DNAH14: variants seen among roughly 807,000 people sequenced by gnomAD.
The protein encoded by DNAH14 is dynein axonemal heavy chain 14.
In DNAH14, 478 loss-of-function variants were observed where a neutral mutation model predicts 520.9. The ratio of observed to expected loss-of-function variants is 0.92; its 90% CI spans 0.85 to 0.99. The LOEUF is 0.99. Ranked by LOEUF, DNAH14 falls within the 50% of genes least tolerant of loss-of-function variation. The pLI is 0.00. For synonymous variants in DNAH14, 1,581 were observed against 1,757.2 expected (o/e 0.90, Z 2.51); for missense variants, 4,831 against 5,234.5 (o/e 0.92, Z 2.38).
At chr1:225,016,029 C>T (rs896735100) in intron 10 of DNAH14, among the ~76,000 whole-genome samples, 8 of 152,146 alleles carry the variant, frequency 5.3e-5, no homozygotes, top group Non-Finnish European at 4.4e-5. Context: ...CTCACGAGGG[C>T]CCTTCAGGAC....
At chr1:225,317,386 T>C (rs988284105) in intron 60 of DNAH14, among the ~76,000 whole-genome samples, 11 of 152,166 alleles carry the variant, frequency 7.2e-5, no homozygotes, top group African/African-American at 2.4e-4. Context: ...CAGAATAACC[T>C]CTACTGATTT....
intron 27 of DNAH14, among the ~76,000 whole-genome samples, chr1:225,128,943 T>G (rs2078074865): frequency 6.6e-6 from 1 of 151,688 alleles, no homozygotes; most frequent in South Asian, 2.1e-4. Context: ...AAAATCTCCT[T>G]AAGCTGATAA....
chr1:225,257,887 CAA>C (rs35313445), intron 44 of DNAH14, 71 bp from the exon 45 acceptor site: 14,284 of 926,046 alleles, frequency 0.015, no homozygotes, highest in South Asian at 0.023. Flanking sequence ...ATCCTAATGA[CAA>C]AAAAAAAAAA....
At chr1:225,347,029 G>A (rs950956113) in intron 71 of DNAH14, among the ~76,000 whole-genome samples, 1 of 152,040 alleles carries the variant, frequency 6.6e-6, no homozygotes, top group Non-Finnish European at 1.5e-5. Context: ...ATCCAAAAAG[G>A]TTAGACACAA....
At chr1:224,957,624 T>C (rs2060595846) in intron 3 of DNAH14, among the ~76,000 whole-genome samples, 1 of 152,040 alleles carries the variant, frequency 6.6e-6, no homozygotes, top group Non-Finnish European at 1.5e-5. Flanking sequence ...GTGTGAGGTG[T>C]CACAGGACTC....
chr1:224,971,878 C>G (rs74758707), intron 7 of DNAH14, among the ~76,000 whole-genome samples: 1,671 of 152,212 alleles, frequency 0.011, 16 homozygotes, highest in Non-Finnish European at 0.016. Flanking sequence ...AGTTTCTCGT[C>G]AAAGATAGGT....
Position 225,002,776 on chromosome 1 carries a change from C to G in DNAH14, c.831-7C>G. The G allele has an allele frequency of 6.5e-7, 1 of 1,547,646 alleles. No homozygotes were observed. The highest frequency in any genetic ancestry group is 8.7e-7 in the Non-Finnish European group (1 of 1,145,176). ...AGATATATCTGTAGAAATTTTTTAA[C>G]TTTCAGGTCATTTTTGTACCACCAT... On this transcript the variant is annotated splice_region_variant and splice_polypyrimidine_tract_variant and intron_variant, in intron 8 of 85. Coordinates refer to ENST00000682510, the MANE Select transcript of DNAH14 (RefSeq NM_001367479.1).
At chr1:224,976,661 T>A (rs1021791752) in intron 8 of DNAH14, among the ~76,000 whole-genome samples, 8 of 149,150 alleles carry the variant, frequency 5.4e-5, no homozygotes, top group Admixed American at 3.3e-4. Context: ...AACAACCCCA[T>A]CAAAAAGTGG....
rs542399288 is a variant in DNAH14 at position 225,027,003 on chromosome 1, AT to A, written c.1358+3144del. On this transcript the variant is annotated intron_variant, in intron 11 of 85. Transcript: ENST00000682510. ...TAAAATTTTTTGTAAGTATTTTATC[AT>A]TTTTTATGCTGTTGTGAATGGAATT... 1.1e-4 allele frequency among the ~76,000 whole-genome samples: 16 copies of A among 151,936 alleles called. No individual in the cohort carries two copies. In the South Asian group the frequency reaches 2.9e-3, roughly 28 times the overall value.
intron 17 of DNAH14, among the ~76,000 whole-genome samples, chr1:225,063,379 T>G (rs983327944): frequency 8.5e-5 from 13 of 152,318 alleles, no homozygotes; most frequent in African/African-American, 2.9e-4. Flanking sequence ...TGGTAGGTTT[T>G]TACTTGTATT....
At chr1:225,354,378 T>G in intron 73 of DNAH14, 1 of 644,954 alleles carries the variant, frequency 1.6e-6, no homozygotes, top group South Asian at 1.7e-5. Flanking sequence ...AGGATATTTT[T>G]GCCCAGCACC....
Position 225,082,594 on chromosome 1 carries a change from CAG to C in DNAH14, c.3185_3186del (p.Glu1062ValfsTer2). 2.6e-6 allele frequency: 4 copies of C among 1,551,478 alleles called. No individual in the cohort carries two copies. The highest frequency in any genetic ancestry group is 8.7e-7 in the Non-Finnish European group (1 of 1,146,928). On this transcript the variant is annotated frameshift_variant, in exon 20 of 86. Transcript: ENST00000682510. LOFTEE classifies it high-confidence loss of function. ...GTAACACATCTTAAGCAAGTGGTAA[CAG>C]AGTTTAAACAAGAGCTGCCTATCAT...
chr1:225,343,088 C>A (rs935371555), intron 69 of DNAH14, among the ~76,000 whole-genome samples: 2 of 152,100 alleles, frequency 1.3e-5, no homozygotes, highest in African/African-American at 4.8e-5. Flanking sequence ...TTTTCCCCAC[C>A]GGAAGGATGT....
intron 37 of DNAH14, among the ~76,000 whole-genome samples, chr1:225,191,318 T>G (rs2085405209): frequency 6.6e-6 from 1 of 152,054 alleles, no homozygotes; most frequent in South Asian, 2.1e-4. Context: ...CTCCCTCACT[T>G]TCATAAGATG....
chr1:225,165,023 C>G (rs941798665), intron 35 of DNAH14, among the ~76,000 whole-genome samples: 17 of 152,074 alleles, frequency 1.1e-4, no homozygotes, highest in Admixed American at 9.8e-4. Context: ...AGAGAGTTCT[C>G]AGAGTAGGTT....
intron 1 of DNAH14, among the ~76,000 whole-genome samples, chr1:224,949,370 A>G (rs966479749): frequency 6.6e-6 from 1 of 152,024 alleles, no homozygotes; most frequent in Non-Finnish European, 1.5e-5. Flanking sequence ...GCTCATATGT[A>G]TGTATATATA....
intron 14 of DNAH14, 43 bp downstream of exon 14, chr1:225,043,832 A>G (rs2067699468): frequency 5.5e-6 from 8 of 1,458,738 alleles, no homozygotes; most frequent in Non-Finnish European, 7.5e-6. Flanking sequence ...ATTGTATTTT[A>G]TATGGTAGTT....
rs371695380 is a variant in DNAH14, at chr1:225,082,528, C to T, written c.3137-21C>T. On this transcript the variant is annotated intron_variant, in intron 19 of 85. Coordinates refer to ENST00000682510, the MANE Select transcript of DNAH14 (RefSeq NM_001367479.1). ...ATATAATGAACATATTATAAGCCTA[C>T]TGACCCATTGTTATTTATAGGTTTA... The T allele has an allele frequency of 5.0e-5, 75 of 1,503,988 alleles. No homozygotes were observed. In the African/African-American group the frequency reaches 8.8e-4, roughly 18 times the overall value. The allele number at this position is 1,503,988 out of a possible 1,614,324, so 93.2% of individuals were successfully genotyped here. A position where few individuals can be genotyped will look rare whatever the true frequency, so the allele number is the denominator to read the frequency against.
rs1262780561 is a variant in DNAH14 at position 225,388,408 on chromosome 1, G to A, written c.13107G>A (p.Leu4369=). Residue 4369 remains leucine (L), a synonymous_variant, in exon 82 of 86, where the codon CTG becomes CTA. Coordinates refer to ENST00000682510, the MANE Select transcript of DNAH14 (RefSeq NM_001367479.1). The stretch of plus-strand genomic sequence containing the variant: ...ACGCCTACAGATCTTGTAAGCCACT[G>A]AGTTCCTGGATTGATGATCTCATCC... ...QKHAYRSCKP[L]SSWIDDLIQR... 4 of 1,529,976 alleles carry A rather than the reference G, an allele frequency of 2.6e-6. No individual in the cohort carries two copies. Among genetic ancestry groups the A allele is most frequent in the Non-Finnish European group, 2.7e-6 (3 of 1,129,710 alleles). 94.8% of individuals were successfully genotyped at this position (1,529,976 alleles called of 1,614,324 possible).
Sources: allele counts gnomAD v4.1 joint callset (sites outside exome capture counted in the v4.1 genomes callset), GRCh38; gene constraint gnomAD v4.1.1; transcripts MANE v1.5; gene names NCBI Gene and HGNC (gene_info 2026-07-23, HGNC 2026-07-21).